SPTA1: variants seen among roughly 807,000 people sequenced by gnomAD.
The protein encoded by SPTA1 is spectrin alpha chain, erythrocytic 1.
SPTA1 carries 177 observed loss-of-function variants against 324.7 expected under a neutral mutation model. The observed-to-expected ratio is 0.55, with a 90% CI of 0.48 to 0.62. The LOEUF (loss-of-function observed/expected upper bound fraction) is 0.62. Ranked by LOEUF, SPTA1 falls within the 20% of genes least tolerant of loss-of-function variation. The probability of loss-of-function intolerance (pLI) is 0.00; values close to 1 mark genes in which losing one functional copy is unlikely to be tolerated. For missense variants in SPTA1, 3,162 were observed against 2,883.6 expected (o/e 1.10, Z -2.21); for synonymous variants, 1,195 against 1,041.3 (o/e 1.15, Z -2.84).
intron 35 of SPTA1, chr1:158,639,324 G>A (rs1651349508): frequency 2.0e-6 from 1 of 508,684 alleles, no homozygotes; most frequent in South Asian, 2.1e-5. Context: ...GTATGCATCA[G>A]TAAAAGATAA....
rs78598639 is a variant in SPTA1, at chr1:158,612,883, T to C, written c.7068A>G (p.Glu2356=). The change falls in exon 51 of 52, where the codon GAA becomes GAG. Residue 2356 remains glutamate (E), a synonymous_variant. Transcript: ENST00000643759. The part of the protein sequence containing the change: ...KESENIKSSD[E]IENAFQALAE... ...CCAGGGCTTGGAAGGCATTCTCTATTTCATCACTGGACTTGATGTTTTCTG... is the reference window on the plus strand; with the variant it reads ...CCAGGGCTTGGAAGGCATTCTCTATCTCATCACTGGACTTGATGTTTTCTG... 6.2e-7 allele frequency: 1 copy of C among 1,613,950 alleles called. No individual in the cohort carries two copies. Among genetic ancestry groups the C allele is most frequent in the South Asian group, 1.1e-5 (1 of 91,080 alleles).
At chr1:158,674,516 T>TC in intron 9 of SPTA1, 24 bp downstream of exon 9, 1 of 1,614,070 alleles carries the variant, frequency 6.2e-7, no homozygotes, top group Non-Finnish European at 8.5e-7. Flanking sequence ...CCCCTCCTCC[T>TC]ACTGGGCAGC....
Position 158,634,660 on chromosome 1 carries a change from T to C in SPTA1, c.5448A>G (p.Glu1816=). ...ELAKARGLKL[E]ESLEYLQFMQ... ...TGAATTGCAAGTATTCTAGGGATTC[T>C]TCCAACTTAAGTCCTCTATAACAAG... The change falls in exon 39 of 52, where the codon GAA becomes GAG. Residue 1816 remains glutamate, a synonymous_variant. Coordinates refer to ENST00000643759, the MANE Select transcript of SPTA1 (RefSeq NM_003126.4). The C allele has an allele frequency of 6.2e-7, 1 of 1,614,154 alleles. No homozygotes were observed. The highest frequency in any genetic ancestry group is 8.5e-7 in the Non-Finnish European group (1 of 1,180,030).
At chr1:158,650,032 A>C (rs857689) in intron 24 of SPTA1, 85 bp from the exon 25 acceptor site, 274,001 of 931,782 alleles carry the variant, frequency 0.29, 47,489 homozygotes, top group African/African-American at 0.69. Context: ...AAGATTTAAA[A>C]CATAGTTGTT....
Position 158,662,824 on chromosome 1 carries a change from G to A in SPTA1, c.2342C>T (p.Pro781Leu), listed in dbSNP as rs761287878. The change falls in exon 17 of 52, where the codon CCA becomes CTA. Residue 781 changes from proline to leucine, a missense_variant. Physicochemically the swap from Pro to Leu is moderately conservative, Grantham distance 98. Transcript: ENST00000643759. ...GAGCTTCTTCTTTCGGGTGGCCAGTGGCTCTTTCAGAGCTTCAAATCGGCA... is the reference window on the plus strand; with the variant it reads ...GAGCTTCTTCTTTCGGGTGGCCAGTAGCTCTTTCAGAGCTTCAAATCGGCA... ...LVCRFEALKE[P>L]LATRKKKLLD... 2 of 1,614,052 alleles carry A rather than the reference G, an allele frequency of 1.2e-6. No individual in the cohort carries two copies. Among genetic ancestry groups the A allele is most frequent in the Admixed American group, 1.7e-5 (1 of 60,006 alleles).
intron 8 of SPTA1, 75 bp downstream of exon 8, chr1:158,676,066 T>A: frequency 6.3e-7 from 1 of 1,598,342 alleles, no homozygotes; most frequent in South Asian, 1.1e-5. Flanking sequence ...CTCCCTTTAC[T>A]CTTATTTCTT....
intron 2 of SPTA1, among the ~76,000 whole-genome samples, chr1:158,684,816 T>A (rs1460666755): frequency 6.6e-6 from 1 of 152,172 alleles, no homozygotes; most frequent in Non-Finnish European, 1.5e-5. Flanking sequence ...ATATTCTGAA[T>A]GGAAGTTCAT....
At position 158,652,506 on chromosome 1, in the gene SPTA1, A is replaced by T. The variant is rs1258783915; in HGVS notation, c.3336T>A (p.Asp1112Glu). The T allele has an allele frequency of 9.3e-6, 15 of 1,614,058 alleles. No individual in the cohort carries two copies. The highest frequency in any genetic ancestry group is 1.3e-5 in the Non-Finnish European group (15 of 1,180,036). ...KAENTGVELD[D>E]VWELQKKFDE... ...CAAACTTTTTCTGCAGCTCCCAAAC[A>T]TCATCTAGTTCCACTCCAGTGTTTT... The change falls in exon 23 of 52, where the codon GAT (aspartate) becomes GAA (glutamate). Residue 1112 changes from aspartate to glutamate, a missense_variant. Coordinates refer to ENST00000643759, the MANE Select transcript of SPTA1 (RefSeq NM_003126.4).
chr1:158,636,862 A>G, intron 36 of SPTA1, 101 bp from the exon 37 acceptor site: 1 of 1,596,240 alleles, frequency 6.3e-7, no homozygotes, highest in Non-Finnish European at 8.5e-7. Context: ...GTGGTGAGGG[A>G]GGTGGTTGTA....
chr1:158,662,617 A>G, intron 17 of SPTA1, 85 bp downstream of exon 17: 1 of 1,585,670 alleles, frequency 6.3e-7, no homozygotes, highest in Non-Finnish European at 8.6e-7. Context: ...AGCTTTCTAG[A>G]CTCCAACTAC....
chr1:158,673,283 T>C (rs560030263), intron 10 of SPTA1, among the ~76,000 whole-genome samples: 4 of 152,296 alleles, frequency 2.6e-5, no homozygotes, highest in African/African-American at 7.2e-5. Context: ...AACTCGGTTA[T>C]CTCAACCTCA....
chr1:158,676,046 C>T (rs1571518082), intron 8 of SPTA1, 95 bp downstream of exon 8: 15 of 1,541,966 alleles, frequency 9.7e-6, no homozygotes, highest in South Asian at 5.7e-5. Context: ...CTGATTCTCT[C>T]GCTATTTGAC....
intron 50 of SPTA1, 72 bp downstream of exon 50, chr1:158,613,649 C>A: frequency 3.8e-6 from 6 of 1,599,962 alleles, no homozygotes; most frequent in Admixed American, 1.7e-5. Context: ...TTTTATGGAT[C>A]ATTTTACTCT....
intron 16 of SPTA1, among the ~76,000 whole-genome samples, chr1:158,665,711 GTCACT>G (rs1441022631): frequency 1.3e-5 from 2 of 152,150 alleles, no homozygotes; most frequent in African/African-American, 4.8e-5. Context: ...CATTGGGAAA[GTCACT>G]TTACTTCTAT....
rs57511663 is a variant in SPTA1 at position 158,611,720 on chromosome 1, T to C, written c.7135-331A>G. 0.26 allele frequency: 72,537 copies of C among 275,928 alleles called. 10,098 individuals are homozygous for C. The highest frequency in any genetic ancestry group is 0.29 in the Middle Eastern group (224 of 764). The allele number at this position is 275,928 out of a possible 1,614,324, so 17.1% of individuals were successfully genotyped here. On this transcript the variant is annotated intron_variant, in intron 51 of 51. Transcript: ENST00000643759. ...GATCTATTTCATCTTCCTGGCTGCT[T>C]TGAGATGTGGGGACTAGCATGTTTT... is the stretch of plus-strand genomic sequence containing the variant.
intron 15 of SPTA1, among the ~76,000 whole-genome samples, chr1:158,666,844 C>G (rs974428851): frequency 6.6e-6 from 1 of 152,118 alleles, no homozygotes; most frequent in African/African-American, 2.4e-5. Flanking sequence ...TCCAAACACT[C>G]TATTTTCTAG....
intron 51 of SPTA1, 147 bp from the exon 52 acceptor site, chr1:158,611,536 C>T (rs1557916248): frequency 1.2e-6 from 1 of 803,222 alleles, no homozygotes; most frequent in South Asian, 1.9e-5. Context: ...ATTTTTATCT[C>T]ATAAATTTAT....
At chr1:158,644,918 C>T (rs567659732) in intron 29 of SPTA1, among the ~76,000 whole-genome samples, 1 of 152,288 alleles carries the variant, frequency 6.6e-6, no homozygotes, top group African/African-American at 2.4e-5. Context: ...ATCAGCCAAT[C>T]AATTCCTCAG....
chr1:158,635,658 G>T (rs1277081942), intron 38 of SPTA1, among the ~76,000 whole-genome samples: 1 of 152,156 alleles, frequency 6.6e-6, no homozygotes, highest in Non-Finnish European at 1.5e-5. Context: ...AACACATGTA[G>T]GAAAACAATA....
Sources: allele counts gnomAD v4.1 joint callset (sites outside exome capture counted in the v4.1 genomes callset), GRCh38; gene constraint gnomAD v4.1.1; transcripts MANE v1.5; gene names NCBI Gene and HGNC (gene_info 2026-07-23, HGNC 2026-07-21).